Variants in NUAK1 observed in about 807,000 individuals in gnomAD.
NUAK1 encodes NUAK family SNF1-like kinase 1.
In NUAK1, 26 loss-of-function variants were observed where a neutral mutation model predicts 56.9. The observed-to-expected ratio is 0.46, with a 90% CI of 0.33 to 0.63. NUAK1 has a LOEUF of 0.63. Among genes scored for constraint, NUAK1 ranks in the 30% least tolerant of loss-of-function variants. The pLI is 0.02. For synonymous variants in NUAK1, 337 were observed against 336.0 expected (o/e 1.00, Z -0.03); for missense variants, 727 against 876.1 (o/e 0.83, Z 2.15).
At chr12:106,094,825 G>A (rs1386668285) in intron 2 of NUAK1, among the ~76,000 whole-genome samples, 8 of 152,206 alleles carry the variant, frequency 5.3e-5, no homozygotes, top group Non-Finnish European at 1.2e-4. Context: ...AGACCCATCC[G>A]TGCCTGCTAG....
chr12:106,066,943 C>G lies in NUAK1; in HGVS notation c.1845G>C (p.Gly615=). ...ACTGGGGCCGGGGCCGGTTCTGGAG[C>G]CCCTCAAAGTCCTGGATCTGGAGGA... ...ENFLQIQDFE[G]LQNRPRPQYL... is the part of the protein sequence containing the mutation. Residue 615 remains glycine (G), a synonymous_variant, in exon 7 of 7, where the codon GGG becomes GGC. Transcript: ENST00000261402. 6.2e-7 allele frequency: 1 copy of G among 1,614,208 alleles called. No homozygotes were observed. The highest frequency in any genetic ancestry group is 1.6e-4 in the Middle Eastern group (1 of 6,062).
In NUAK1 at chr12:106,083,813, C is replaced by T. The variant is rs555024561; in HGVS notation, c.579+51G>A. On this transcript the variant is annotated intron_variant, in intron 4 of 6. Coordinates refer to ENST00000261402, the MANE Select transcript of NUAK1 (RefSeq NM_014840.3). Reference sequence around the variant, plus strand: ...GCTTGGAGCAGGTTAAGCCTCCATCCGGCTGCAAGACCCAGGCCCTGCATA... The same window carrying T: ...GCTTGGAGCAGGTTAAGCCTCCATCTGGCTGCAAGACCCAGGCCCTGCATA... 106 of 1,524,656 alleles carry T rather than the reference C, an allele frequency of 7.0e-5. 1 individual carries two copies. Among genetic ancestry groups the T allele is most frequent in the Non-Finnish European group, 8.8e-5 (97 of 1,098,940 alleles). 94.4% of individuals were successfully genotyped at this position (1,524,656 alleles called of 1,614,324 possible).
intron 1 of NUAK1, among the ~76,000 whole-genome samples, chr12:106,122,492 G>A (rs943359566): frequency 3.3e-5 from 5 of 152,134 alleles, no homozygotes; most frequent in Admixed American, 2.0e-4. Context: ...TTAGACTATC[G>A]CCTGGCATGT....
chr12:106,111,322 T>C (rs1018475931), intron 1 of NUAK1, among the ~76,000 whole-genome samples: 3 of 152,158 alleles, frequency 2.0e-5, no homozygotes, highest in African/African-American at 7.2e-5. Flanking sequence ...TCCCCACATT[T>C]GCACAGTGGC....
intron 4 of NUAK1, among the ~76,000 whole-genome samples, chr12:106,075,318 C>CACACACACACACACACAG (rs142856878): frequency 6.1e-5 from 9 of 146,740 alleles, no homozygotes; most frequent in African/African-American, 2.3e-4. Context: ...CACACACACA[C>CACACACACACACACACAG]AGAGAGAGAG....
At chr12:106,124,860 G>C (rs1408192837) in intron 1 of NUAK1, among the ~76,000 whole-genome samples, 1 of 152,046 alleles carries the variant, frequency 6.6e-6, no homozygotes, top group Non-Finnish European at 1.5e-5. Flanking sequence ...AGCTAGGCAT[G>C]GTGGTGCACA....
chr12:106,069,196 G>A (rs577576506), intron 6 of NUAK1, among the ~76,000 whole-genome samples: 10 of 152,190 alleles, frequency 6.6e-5, no homozygotes, highest in East Asian at 5.8e-4. Flanking sequence ...ATCAATATTC[G>A]CAGCTCTTTT....
chr12:106,079,918 G>A (rs2032499332), intron 4 of NUAK1, among the ~76,000 whole-genome samples: 1 of 152,170 alleles, frequency 6.6e-6, no homozygotes, highest in Admixed American at 6.5e-5. Flanking sequence ...CCCCAGCACA[G>A]GGTCAAGTAC....
At chr12:106,089,722 G>A (rs1369731578) in intron 2 of NUAK1, among the ~76,000 whole-genome samples, 1 of 152,016 alleles carries the variant, frequency 6.6e-6, no homozygotes, top group Non-Finnish European at 1.5e-5. Flanking sequence ...CCAGGAGGTG[G>A]AGGTTGCAGT....
Position 106,077,397 on chromosome 12 carries a change from C to T in NUAK1, c.580-4554G>A, listed in dbSNP as rs147153313. Among the ~76,000 whole-genome samples the T allele has an allele frequency of 2.2e-3, 336 of 152,306 alleles. 1 individual carries two copies. The highest frequency in any genetic ancestry group is 6.8e-3 in the Middle Eastern group (2 of 294). ...TGGGACCAGCTGACGCTATAAATTACAGCCATTATGGTAAGGCTGATGGTT... is the reference window on the plus strand; with the variant it reads ...TGGGACCAGCTGACGCTATAAATTATAGCCATTATGGTAAGGCTGATGGTT... On this transcript the variant is annotated intron_variant, in intron 4 of 6. Coordinates refer to ENST00000261402, the MANE Select transcript of NUAK1 (RefSeq NM_014840.3).
At chr12:106,110,825 C>T (rs991908349) in intron 1 of NUAK1, among the ~76,000 whole-genome samples, 2 of 152,330 alleles carry the variant, frequency 1.3e-5, no homozygotes, top group African/African-American at 4.8e-5. Flanking sequence ...CTGTGAATCC[C>T]GCCCTGCAGT....
chr12:106,096,732 A>G (rs909570165), intron 2 of NUAK1, among the ~76,000 whole-genome samples: 10 of 152,208 alleles, frequency 6.6e-5, no homozygotes, highest in African/African-American at 2.4e-4. Context: ...CTCACTGGTG[A>G]CCGCCGCCAG....
At chr12:106,109,682 A>G (rs1270148758) in intron 1 of NUAK1, among the ~76,000 whole-genome samples, 1 of 152,288 alleles carries the variant, frequency 6.6e-6, no homozygotes, top group East Asian at 1.9e-4. Context: ...CATGGCTTTA[A>G]GTCCAGGCTA....
chr12:106,103,153 G>C (rs2032765802), intron 2 of NUAK1: 1 of 152,224 alleles, frequency 6.6e-6, no homozygotes, highest in Non-Finnish European at 1.5e-5. Context: ...CGTCCTGTCT[G>C]ATTCCCAAGG....
At chr12:106,113,722 AG>A (rs1287746758) in intron 1 of NUAK1, among the ~76,000 whole-genome samples, 3 of 150,446 alleles carry the variant, frequency 2.0e-5, no homozygotes, top group Non-Finnish European at 4.4e-5. Context: ...TTATACACAG[AG>A]GAATTAAACA....
intron 1 of NUAK1, among the ~76,000 whole-genome samples, chr12:106,132,487 T>C (rs2033088355): frequency 1.3e-5 from 2 of 152,200 alleles, no homozygotes; most frequent in Non-Finnish European, 2.9e-5. Context: ...CCTTATCTCC[T>C]GCTGCTTCCC....
intron 2 of NUAK1, among the ~76,000 whole-genome samples, chr12:106,087,975 T>C (rs1392934440): frequency 6.6e-6 from 1 of 152,206 alleles, no homozygotes; most frequent in Non-Finnish European, 1.5e-5. Flanking sequence ...CCCTTCTCAC[T>C]CAACCTCCAC....
chr12:106,099,703 A>G (rs2032729273), intron 2 of NUAK1, among the ~76,000 whole-genome samples: 1 of 152,138 alleles, frequency 6.6e-6, no homozygotes, highest in Non-Finnish European at 1.5e-5. Flanking sequence ...CATATTTCCC[A>G]GATATAAGGG....
At chr12:106,127,529 G>A (rs567059208) in intron 1 of NUAK1, among the ~76,000 whole-genome samples, 20 of 152,254 alleles carry the variant, frequency 1.3e-4, no homozygotes, top group Non-Finnish European at 2.1e-4. Context: ...GTTTCAGAAA[G>A]CCTTGGCTGC....
Sources: allele counts gnomAD v4.1 joint callset (sites outside exome capture counted in the v4.1 genomes callset), GRCh38; gene constraint gnomAD v4.1.1; transcripts MANE v1.5; gene names NCBI Gene and HGNC (gene_info 2026-07-23, HGNC 2026-07-21).